DENND1C: variants seen among roughly 807,000 people sequenced by gnomAD.
DENND1C encodes DENN domain containing 1C, also known as DENN domain-containing protein 1C.
In DENND1C, 64 loss-of-function variants were observed where a neutral mutation model predicts 87.9. The ratio of observed to expected loss-of-function variants is 0.73; its 90% CI spans 0.60 to 0.90. The LOEUF is 0.90. DENND1C is among the 40% of genes least tolerant of loss of function. The probability of loss-of-function intolerance (pLI) is 0.00; values close to 1 mark genes in which losing one functional copy is unlikely to be tolerated. For missense variants in DENND1C, 980 were observed against 1,037.0 expected, an observed-to-expected ratio of 0.95 and a Z score of 0.76; for synonymous variants, 384 against 424.4, an observed-to-expected ratio of 0.90 and a Z score of 1.17.
At chr19:6,477,606 T>TTAATAATAATAATAATAA (rs59685749) in intron 6 of DENND1C, 148 bp from the exon 7 acceptor site, 12,073 of 183,154 alleles carry the variant, frequency 0.066, 678 homozygotes, top group African/African-American at 0.12. Flanking sequence ...TTAAAAGAAA[T>TTAATAATAATAATAATAA]TAATAATAAT....
rs371652043 is a variant in DENND1C at position 6,479,156 on chromosome 19, T to G, written c.177-100A>C. ...TCCTAGGACCCTGAGTGTATGGGTCTCTAGTTGTCAGGATCCCTGAATGTC... is the reference window on the plus strand; with the variant it reads ...TCCTAGGACCCTGAGTGTATGGGTCGCTAGTTGTCAGGATCCCTGAATGTC... On this transcript the variant is annotated intron_variant, in intron 4 of 22. Coordinates refer to ENST00000381480, the MANE Select transcript of DENND1C (RefSeq NM_024898.4). The G allele has an allele frequency of 1.6e-4, 237 of 1,482,130 alleles. No homozygotes were observed. The African/African-American group carries it at 3.1e-3, about 20-fold the overall frequency. The allele number at this position is 1,482,130 out of a possible 1,614,324, so 91.8% of individuals were successfully genotyped here. A position where few individuals can be genotyped will look rare whatever the true frequency, so the allele number is the denominator to read the frequency against.
Position 6,479,411 on chromosome 19 carries a change from CTTGAGTCT to C in DENND1C, c.176+250_176+257del, listed in dbSNP as rs1169894169. On this transcript the variant is annotated intron_variant, in intron 4 of 22. Transcript: ENST00000381480. ...CCCTGAATCCTTGTGTCCCTGAGTC[CTTGAGTCT>C]CTGAGTCCCTGGGTCCCTGGGTCCC... Among the ~76,000 whole-genome samples the C allele has an allele frequency of 1.6e-3, 244 of 149,884 alleles. 4 individuals carry two copies. Among genetic ancestry groups the C allele is most frequent in the African/African-American group, 6.0e-3 (241 of 40,466 alleles).
Position 6,479,893 on chromosome 19 carries a change from A to T in DENND1C, c.92T>A (p.Ile31Asn). Residue 31 changes from isoleucine (I) to asparagine (N), a missense_variant, in exon 3 of 23, where the codon ATC becomes AAC. Coordinates refer to ENST00000381480, the MANE Select transcript of DENND1C (RefSeq NM_024898.4). ...CPASLQEDPP[I>N]LRQFPPDFRD... ...GAAGTCTGGAGGGAACTGCCGCAGGATGGGGGGATCTGTAGAAGAGAGCAC... is the reference window on the plus strand; with the variant it reads ...GAAGTCTGGAGGGAACTGCCGCAGGTTGGGGGGATCTGTAGAAGAGAGCAC... 2 of 1,605,700 alleles carry T rather than the reference A, an allele frequency of 1.2e-6. No homozygotes were observed. Among genetic ancestry groups the T allele is most frequent in the Non-Finnish European group, 1.7e-6 (2 of 1,176,264 alleles).
At position 6,475,291 on chromosome 19, in the gene DENND1C, C is replaced by T. The variant is rs779688426; in HGVS notation, c.1036G>A (p.Ala346Thr). 6.2e-7 allele frequency: 1 copy of T among 1,613,276 alleles called. No individual in the cohort carries two copies. Among genetic ancestry groups the T allele is most frequent in the Non-Finnish European group, 8.5e-7 (1 of 1,179,830 alleles). The change falls in exon 14 of 23, where the codon GCA becomes ACA. Residue 346 changes from alanine to threonine, a missense_variant. Transcript: ENST00000381480. ...QALLFGGYRDALVCSPGQPVT... is the reference protein window; with the variant it reads ...QALLFGGYRDTLVCSPGQPVT... Reference sequence around the variant, plus strand: ...CTGCTCACCGGGCTGCAGACGAGTGCGTCGCGGTACCCCCCGAAGAGCAGG... The same window carrying T: ...CTGCTCACCGGGCTGCAGACGAGTGTGTCGCGGTACCCCCCGAAGAGCAGG...
chr19:6,471,236 C>A (rs1168628968), intron 17 of DENND1C, 29 bp downstream of exon 17: 10 of 1,567,732 alleles, frequency 6.4e-6, no homozygotes, highest in Admixed American at 1.9e-5. Context: ...TAAGCCAACG[C>A]CCACGGCCTA....
At position 6,471,419 on chromosome 19, in the gene DENND1C, G is replaced by T; in HGVS notation, c.1236C>A (p.Cys412Ter). The change falls in exon 16 of 23, where the codon TGC (cysteine) becomes TGA (stop). Residue 412 changes from cysteine to a stop codon, truncating the protein, a stop_gained. Transcript: ENST00000381480. LOFTEE classifies it high-confidence loss of function. ...SDQFEQEITG[C>*]GASSGALRSY... ...CTCAGGGCTCACCTGAGGAGGCCCC[G>T]CAGCCAGTGATCTCCTGCTCGAATT... 1 of 1,585,566 alleles carries T rather than the reference G, an allele frequency of 6.3e-7. No individual in the cohort carries two copies. Among genetic ancestry groups the T allele is most frequent in the East Asian group, 2.3e-5 (1 of 43,314 alleles).
In DENND1C at chr19:6,480,044, A is replaced by T. The variant is rs1261309644; in HGVS notation, c.25T>A (p.Ser9Thr). The T allele has an allele frequency of 2.5e-6, 4 of 1,605,386 alleles. No homozygotes were observed. Among genetic ancestry groups the T allele is most frequent in the Non-Finnish European group, 3.4e-6 (4 of 1,176,906 alleles). ...AAGAACCAATCAAACACAGCAGGGG[A>T]GCCCCCTCTGTGGGATGCAGAAGGG... MESRAEGG[S>T]PAVFDWFFEA... The change falls in exon 2 of 23, where the codon TCC becomes ACC. Residue 9 changes from serine to threonine, a missense_variant. Ser to Thr is a moderately conservative substitution (Grantham distance 58, BLOSUM62 1). Coordinates refer to ENST00000381480, the MANE Select transcript of DENND1C (RefSeq NM_024898.4).
rs1599392751 is a variant in DENND1C, at chr19:6,479,525, A to G, written c.176+144T>C. On this transcript the variant is annotated intron_variant, in intron 4 of 22. Coordinates refer to ENST00000381480, the MANE Select transcript of DENND1C (RefSeq NM_024898.4). ...TAATGTATATAGGTCCCTAGTTCTC[A>G]GGGCCCCTGAGTGTCTGAGTCTCTG... The G allele has an allele frequency of 3.0e-6, 3 of 990,346 alleles. No individual in the cohort carries two copies. In the East Asian group the frequency reaches 7.3e-5, roughly 24 times the overall value. The allele number at this position is 990,346 out of a possible 1,614,324, so 61.3% of individuals were successfully genotyped here. A position where few individuals can be genotyped will look rare whatever the true frequency, so the allele number is the denominator to read the frequency against.
At chr19:6,480,953 G>A (rs773756516) in intron 1 of DENND1C, among the ~76,000 whole-genome samples, 1 of 151,798 alleles carries the variant, frequency 6.6e-6, no homozygotes, top group South Asian at 2.1e-4. Context: ...GCCCGAGCAA[G>A]TGAATGACAT....
At chr19:6,469,811 G>C (rs1182513996) in intron 18 of DENND1C, 171 bp from the exon 19 acceptor site, 7 of 649,880 alleles carry the variant, frequency 1.1e-5, no homozygotes, top group Non-Finnish European at 1.9e-5. Flanking sequence ...TCACCCCTTT[G>C]ACTAATATAA....
intron 4 of DENND1C, 87 bp from the exon 5 acceptor site, chr19:6,479,143 G>A (rs1383300245): frequency 1.6e-5 from 25 of 1,540,782 alleles, no homozygotes; most frequent in Non-Finnish European, 2.1e-5. Flanking sequence ...CTAGGACCCT[G>A]AGTGTATGGG....
Position 6,467,671 on chromosome 19 carries a change from G to C in DENND1C, c.2239C>G (p.Pro747Ala). ...AGGGCTTTGGGAGGCCGGGCTCTGG[G>C]GTCCTCCAGAGAACTGGGGTCTGAG... ...PSSDPSSLED[P>A]RARPPKALLA... Residue 747 changes from proline (P) to alanine (A), a missense_variant, in exon 23 of 23, where the codon CCC becomes GCC. Physicochemically the swap from Pro to Ala is conservative, Grantham distance 27 (BLOSUM62 -1). Coordinates refer to ENST00000381480, the MANE Select transcript of DENND1C (RefSeq NM_024898.4). 6.5e-7 allele frequency: 1 copy of C among 1,527,020 alleles called. No homozygotes were observed. Among genetic ancestry groups the C allele is most frequent in the Non-Finnish European group, 8.8e-7 (1 of 1,140,378 alleles). 94.6% of individuals were successfully genotyped at this position (1,527,020 alleles called of 1,614,324 possible).
In DENND1C at chr19:6,468,790, G is replaced by A. The variant is rs983022632; in HGVS notation, c.1515+56C>T. 17 of 1,452,084 alleles carry A rather than the reference G, an allele frequency of 1.2e-5. No individual in the cohort carries two copies. In the African/African-American group the frequency reaches 2.1e-4, roughly 18 times the overall value. The allele number at this position is 1,452,084 out of a possible 1,614,324, so 89.9% of individuals were successfully genotyped here. A position where few individuals can be genotyped will look rare whatever the true frequency, so the allele number is the denominator to read the frequency against. On this transcript the variant is annotated intron_variant, in intron 20 of 22. Coordinates refer to ENST00000381480, the MANE Select transcript of DENND1C (RefSeq NM_024898.4). ...AGATGTCTGGATGGGGACTGGGATG[G>A]GTAGAGGATTCAGTGATAATTCCAG... is the stretch of plus-strand genomic sequence containing the variant.
At position 6,468,405 on chromosome 19, in the gene DENND1C, C is replaced by CG; in HGVS notation, c.1619dup (p.Trp541ValfsTer28). The CG allele has an allele frequency of 6.2e-7, 1 of 1,613,742 alleles. No individual in the cohort carries two copies. Among genetic ancestry groups the CG allele is most frequent in the Non-Finnish European group, 8.5e-7 (1 of 1,179,792 alleles). ...TGCTGTCCAGAGCTTCTTCTGCCCA[C>CG]GGGCACCCCTCATCCTCAGGGCTCA... On this transcript the variant is annotated frameshift_variant, in exon 22 of 23. Transcript: ENST00000381480. LOFTEE classifies it high-confidence loss of function.
At position 6,479,676 on chromosome 19, in the gene DENND1C, C is replaced by T; in HGVS notation, c.169G>A (p.Val57Met). ...CTCCCCGCCCTTCCGTACCTTTCCACATCAAAAGGGAAGCAGAATTTAGGC... is the reference window on the plus strand; with the variant it reads ...CTCCCCGCCCTTCCGTACCTTTCCATATCAAAAGGGAAGCAGAATTTAGGC... Reference protein sequence around the residue: ...MVPKFCFPFDVEREPPSPAVQ... With the variant: ...MVPKFCFPFDMEREPPSPAVQ... The change falls in exon 4 of 23, where the codon GTG (valine) becomes ATG (methionine). Residue 57 changes from valine (V) to methionine (M), a missense_variant. Val to Met is a conservative substitution (Grantham distance 21). Coordinates refer to ENST00000381480, the MANE Select transcript of DENND1C (RefSeq NM_024898.4). 1.2e-6 allele frequency: 2 copies of T among 1,613,850 alleles called. No individual in the cohort carries two copies. Among genetic ancestry groups the T allele is most frequent in the Non-Finnish European group, 1.7e-6 (2 of 1,179,840 alleles).
At chr19:6,476,207 C>T in intron 10 of DENND1C, 1 of 459,810 alleles carries the variant, frequency 2.2e-6, no homozygotes, top group South Asian at 3.2e-5. Context: ...GAGTCTTCCC[C>T]ATGCAGGTAG....
chr19:6,480,766 A>G (rs543070959), intron 1 of DENND1C, among the ~76,000 whole-genome samples: 88 of 151,832 alleles, frequency 5.8e-4, no homozygotes, highest in African/African-American at 2.1e-3. Context: ...CACCACGCCC[A>G]GCTAATTTTC....
chr19:6,475,354 CG>C lies in DENND1C; in HGVS notation c.972del (p.Glu326LysfsTer30), dbSNP rs1365215218. The stretch of plus-strand genomic sequence containing the variant: ...AGGAAGAGACGGGACACCCCTTCCC[CG>C]GGGGCCAGGGCGACCTTCCTGAGCC... ...RLRLRKVALA[P>X]GEGVSRLFLK... On this transcript the variant is annotated frameshift_variant, in exon 14 of 23. Coordinates refer to ENST00000381480, the MANE Select transcript of DENND1C (RefSeq NM_024898.4). LOFTEE classifies it high-confidence loss of function. 1.2e-6 allele frequency: 2 copies of C among 1,612,394 alleles called. No individual in the cohort carries two copies. Among genetic ancestry groups the C allele is most frequent in the Non-Finnish European group, 1.7e-6 (2 of 1,179,182 alleles).
chr19:6,480,709 G>A lies in DENND1C; in HGVS notation c.18-658C>T, dbSNP rs770251884. Among the ~76,000 whole-genome samples the A allele has an allele frequency of 9.9e-5, 15 of 151,824 alleles. 1 individual carries two copies. Among genetic ancestry groups the A allele is most frequent in the Non-Finnish European group, 2.2e-4 (15 of 67,978 alleles). On this transcript the variant is annotated intron_variant, in intron 1 of 22. Coordinates refer to ENST00000381480, the MANE Select transcript of DENND1C (RefSeq NM_024898.4). ...CAACCTCCACCCCACAGGTTCAAGC[G>A]ATTCTCCTGCCTCAGCCTCCCTGTA... is the stretch of plus-strand genomic sequence containing the variant.
Sources: allele counts gnomAD v4.1 joint callset (sites outside exome capture counted in the v4.1 genomes callset), GRCh38; gene constraint gnomAD v4.1.1; transcripts MANE v1.5; gene names NCBI Gene and HGNC (gene_info 2026-07-23, HGNC 2026-07-21).